Variants in PROS1 observed in about 807,000 individuals in gnomAD.
PROS1 encodes protein S, also known as vitamin K-dependent protein S.
Under a neutral mutation model 75.9 loss-of-function variants are expected in PROS1, and 29 were observed. The ratio of observed to expected loss-of-function variants is 0.38; its 90% CI spans 0.28 to 0.52. PROS1 has a LOEUF of 0.52. PROS1 is among the 20% of genes least tolerant of loss of function. The pLI is 0.83. For missense variants in PROS1, 680 were observed against 810.3 expected (o/e 0.84, Z 1.95); for synonymous variants, 245 against 280.6 (o/e 0.87, Z 1.27).
At chr3:93,922,516 T>A (rs573977757) in intron 3 of PROS1, among the ~76,000 whole-genome samples, 8 of 152,344 alleles carry the variant, frequency 5.3e-5, no homozygotes, top group African/African-American at 1.4e-4. Context: ...ATGGAATATG[T>A]AGGCCAATTG....
At chr3:93,896,921 A>G (rs1019490647) in intron 8 of PROS1, among the ~76,000 whole-genome samples, 3 of 152,176 alleles carry the variant, frequency 2.0e-5, no homozygotes, top group Admixed American at 2.0e-4. Flanking sequence ...GCCTCGTTCA[A>G]TGTGCATGGC....
At chr3:93,928,053 C>T (rs1340124531) in intron 1 of PROS1, among the ~76,000 whole-genome samples, 83 of 114,820 alleles carry the variant, frequency 7.2e-4, no homozygotes, top group Admixed American at 1.7e-3. Context: ...CTCGCTCTGT[C>T]GCCCAGGCTG....
At chr3:93,877,853 A>AT (rs1559927702) in intron 13 of PROS1, among the ~76,000 whole-genome samples, 1 of 152,244 alleles carries the variant, frequency 6.6e-6, no homozygotes, top group East Asian at 1.9e-4. Context: ...GAGGAAAGTG[A>AT]TAAAAACATA....
chr3:93,875,396 CTT>C (rs1410723135), intron 14 of PROS1, among the ~76,000 whole-genome samples: 2 of 152,114 alleles, frequency 1.3e-5, no homozygotes, highest in African/African-American at 2.4e-5. Context: ...CTTCCCCACT[CTT>C]TCTCTCAAGA....
chr3:93,917,612 G>C (rs537939301), intron 3 of PROS1, among the ~76,000 whole-genome samples: 1 of 152,202 alleles, frequency 6.6e-6, no homozygotes, highest in Non-Finnish European at 1.5e-5. Context: ...GGGAGGTGTG[G>C]AGGGAAAGGC....
At chr3:93,956,024 T>G (rs574817691) in intron 1 of PROS1, among the ~76,000 whole-genome samples, 1 of 152,192 alleles carries the variant, frequency 6.6e-6, no homozygotes. Context: ...TTTGCTTTAA[T>G]GTAAATAGAC....
intron 10 of PROS1, among the ~76,000 whole-genome samples, chr3:93,888,255 T>C (rs1708379868): frequency 1.3e-5 from 2 of 152,254 alleles, no homozygotes; most frequent in Admixed American, 1.3e-4. Context: ...ACACCATGTA[T>C]GCCCTTAATG....
Position 93,876,946 on chromosome 3 carries a change from A to G in PROS1, c.1870+20T>C. The G allele has an allele frequency of 6.7e-7, 1 of 1,482,030 alleles. No individual in the cohort carries two copies. Among genetic ancestry groups the G allele is most frequent in the Non-Finnish European group, 9.4e-7 (1 of 1,063,814 alleles). 91.8% of individuals were successfully genotyped at this position (1,482,030 alleles called of 1,614,324 possible). On this transcript the variant is annotated intron_variant, in intron 14 of 14. Transcript: ENST00000394236. ...GATTAAAATATACTTTTTAAAACTG[A>G]AGAAAAAGTAAGCAGATACCTGGAA... is the stretch of plus-strand genomic sequence containing the variant.
At chr3:93,914,249 T>C (rs1387524520) in intron 3 of PROS1, among the ~76,000 whole-genome samples, 1 of 152,258 alleles carries the variant, frequency 6.6e-6, no homozygotes, top group Non-Finnish European at 1.5e-5. Context: ...CTATAGTGGC[T>C]CTGCTGCTGT....
At chr3:93,893,578 T>C (rs1222959739) in intron 9 of PROS1, among the ~76,000 whole-genome samples, 1 of 152,148 alleles carries the variant, frequency 6.6e-6, no homozygotes, top group East Asian at 1.9e-4. Context: ...CCATAAGTGA[T>C]CATAAAATGT....
At chr3:93,923,286 TGGTATTTATC>T (rs1245922512) in intron 3 of PROS1, among the ~76,000 whole-genome samples, 1 of 152,202 alleles carries the variant, frequency 6.6e-6, no homozygotes, top group Non-Finnish European at 1.5e-5. Context: ...TGTATTAGCA[TGGTATTTATC>T]TTTATCCAAA....
intron 1 of PROS1, among the ~76,000 whole-genome samples, chr3:93,934,888 C>T (rs1259976939): frequency 6.6e-6 from 1 of 151,964 alleles, no homozygotes; most frequent in South Asian, 2.1e-4. Flanking sequence ...CGGACCTCTC[C>T]TTACACCAAG....
At chr3:93,947,811 C>T (rs761315670) in intron 1 of PROS1, among the ~76,000 whole-genome samples, 11 of 152,086 alleles carry the variant, frequency 7.2e-5, no homozygotes, top group Non-Finnish European at 1.3e-4. Flanking sequence ...TCGTGATCTG[C>T]CCGCCTCGGC....
At chr3:93,917,035 G>A (rs1219982626) in intron 3 of PROS1, among the ~76,000 whole-genome samples, 1 of 152,162 alleles carries the variant, frequency 6.6e-6, no homozygotes, top group Non-Finnish European at 1.5e-5. Flanking sequence ...CTGTCTTTAA[G>A]TCACAGAAGA....
chr3:93,921,940 A>G (rs984529249), intron 3 of PROS1, among the ~76,000 whole-genome samples: 2 of 151,928 alleles, frequency 1.3e-5, no homozygotes, highest in Non-Finnish European at 2.9e-5. Context: ...GGTTTGCTCT[A>G]TTGTATTTTT....
chr3:93,950,219 G>A (rs1709472447), intron 1 of PROS1, among the ~76,000 whole-genome samples: 1 of 152,298 alleles, frequency 6.6e-6, no homozygotes, highest in East Asian at 1.9e-4. Context: ...GGCAGATCAA[G>A]GAGGCCTGCC....
chr3:93,969,793 C>G lies in PROS1; in HGVS notation c.76+3881G>C, dbSNP rs1015920518. On this transcript the variant is annotated intron_variant, in intron 1 of 14. Coordinates refer to ENST00000394236, the MANE Select transcript of PROS1 (RefSeq NM_000313.4). ...CTTTTTTCTTTTCCTTTTTTCTTTC[C>G]TTTAGTTAGCAATAGTTCATTACTG... is the stretch of plus-strand genomic sequence containing the variant. Among the ~76,000 whole-genome samples, 140 of 151,854 alleles carry G rather than the reference C, an allele frequency of 9.2e-4. 1 individual carries two copies. Among genetic ancestry groups the G allele is most frequent in the Non-Finnish European group, 3.1e-4 (21 of 67,944 alleles).
intron 12 of PROS1, among the ~76,000 whole-genome samples, chr3:93,882,726 C>T (rs1362636745): frequency 6.6e-6 from 1 of 152,144 alleles, no homozygotes; most frequent in Non-Finnish European, 1.5e-5. Context: ...CATTCACAGG[C>T]TCTTCTCCAC....
At chr3:93,949,357 A>G (rs1194355875) in intron 1 of PROS1, among the ~76,000 whole-genome samples, 1 of 152,208 alleles carries the variant, frequency 6.6e-6, no homozygotes, top group Non-Finnish European at 1.5e-5. Flanking sequence ...CCCACTTACC[A>G]CATTTGGCAG....
Sources: gnomAD v4.1 joint callset for allele counts (sites outside exome capture counted in the v4.1 genomes callset) on GRCh38, gnomAD v4.1.1 for gene constraint, MANE v1.5 for transcripts, NCBI Gene and HGNC (gene_info 2026-07-23, HGNC 2026-07-21) for gene names.